The following ZNF43 variants were observed in gnomAD, a reference collection of about 807,000 sequenced individuals.
The protein encoded by ZNF43 is zinc finger protein 39-like 1 (KOX 27).
Under a neutral mutation model 68.4 loss-of-function variants are expected in ZNF43, and 44 were observed. That is an observed-to-expected ratio of 0.64 (90% CI 0.51 to 0.83). The LOEUF (loss-of-function observed/expected upper bound fraction) is 0.83, where lower values mean the gene tolerates loss of function less well. Ranked by LOEUF, ZNF43 falls within the 40% of genes least tolerant of loss-of-function variation. The pLI is 0.00. For missense variants in ZNF43, 896 were observed against 933.2 expected (o/e 0.96, Z 0.52); for synonymous variants, 308 against 307.8 (o/e 1.00, Z -0.01).
intron 1 of ZNF43, among the ~76,000 whole-genome samples, chr19:21,850,628 T>C (rs76943102): frequency 0.09 from 13,660 of 152,174 alleles, 687 homozygotes; most frequent in Middle Eastern, 0.16. Flanking sequence ...TTAGACCTAG[T>C]AACATGTCCT....
At chr19:21,817,533 A>G (rs1232650971) in intron 3 of ZNF43, among the ~76,000 whole-genome samples, 8 of 152,216 alleles carry the variant, frequency 5.3e-5, no homozygotes, top group Admixed American at 5.2e-4. Context: ...GTAAAGAAAG[A>G]ACTTAAAAAA....
At chr19:21,837,839 A>G (rs749064850), upstream of ZNF43, 1 of 152,104 alleles carries the variant, frequency 6.6e-6, no homozygotes, top group Non-Finnish European at 1.5e-5. Flanking sequence ...TATGTATAAG[A>G]TCTTCCTTCC....
intron 1 of ZNF43, among the ~76,000 whole-genome samples, chr19:21,823,261 T>A (rs562365601): frequency 2.0e-5 from 3 of 152,302 alleles, no homozygotes. Context: ...ATCTATTTTT[T>A]TAATGGCCAT....
At chr19:21,819,757 T>C (rs1284577788) in intron 1 of ZNF43, among the ~76,000 whole-genome samples, 2 of 152,162 alleles carry the variant, frequency 1.3e-5, no homozygotes, top group African/African-American at 4.8e-5. Flanking sequence ...AATGGAAAAG[T>C]CTGTGTTTTT....
intron 3 of ZNF43, among the ~76,000 whole-genome samples, chr19:21,812,356 C>T (rs970046454): frequency 5.9e-5 from 9 of 152,204 alleles, no homozygotes; most frequent in East Asian, 3.9e-4. Flanking sequence ...CCTCGTGATC[C>T]GCCCGCCTCA....
At chr19:21,818,349 C>T (rs537280088) in intron 2 of ZNF43, among the ~76,000 whole-genome samples, 53 of 150,610 alleles carry the variant, frequency 3.5e-4, no homozygotes, top group African/African-American at 1.2e-3. Flanking sequence ...GATCCGCCTG[C>T]CTTGGCATCC....
Position 21,809,553 on chromosome 19 carries a change from T to C in ZNF43, c.484A>G (p.Asn162Asp), listed in dbSNP as rs746420195. ...VKAFHKFSNS[N>D]RHKISHTEKK... Reference sequence around the variant, plus strand: ...TCAGTATGGCTTATCTTATGTCTGTTTGAATTTGAAAATTTATGAAAGGCT... The same window carrying C: ...TCAGTATGGCTTATCTTATGTCTGTCTGAATTTGAAAATTTATGAAAGGCT... Residue 162 changes from asparagine to aspartate, a missense_variant, in exon 4 of 4, where the codon AAC becomes GAC. By Grantham distance (23) the Asn-to-Asp change is conservative. Coordinates refer to ENST00000354959, the MANE Select transcript of ZNF43 (RefSeq NM_003423.4). The C allele has an allele frequency of 1.2e-6, 2 of 1,611,680 alleles. No homozygotes were observed. Among genetic ancestry groups the C allele is most frequent in the South Asian group, 1.1e-5 (1 of 90,724 alleles).
rs747556589 is a variant in ZNF43 at position 21,807,561 on chromosome 19, C to G, written c.*46G>C. 1.4e-5 allele frequency: 21 copies of G among 1,455,610 alleles called. No homozygotes were observed. Among genetic ancestry groups the G allele is most frequent in the Non-Finnish European group, 1.8e-5 (20 of 1,088,908 alleles). 90.2% of individuals were successfully genotyped at this position (1,455,610 alleles called of 1,614,324 possible). ...AATCAAGTGTGACAACCATGTAAAG[C>G]CTTTATCACATTCTTTACATTTCTA... is the stretch of plus-strand genomic sequence containing the variant. On this transcript the variant is annotated 3_prime_UTR_variant, in exon 4 of 4. Transcript: ENST00000354959.
intron 3 of ZNF43, among the ~76,000 whole-genome samples, chr19:21,813,237 C>CT (rs1183251398): frequency 6.7e-6 from 1 of 149,324 alleles, no homozygotes; most frequent in East Asian, 2.0e-4. Flanking sequence ...GAGTGAAACT[C>CT]TGTCTCCAAA....
chr19:21,824,895 T>A (rs1274926188), intron 1 of ZNF43, among the ~76,000 whole-genome samples: 3 of 152,006 alleles, frequency 2.0e-5, no homozygotes, highest in Admixed American at 2.0e-4. Context: ...AGTAGATTTG[T>A]AAAGGCAAAA....
At chr19:21,836,477 T>A (rs149788538), upstream of ZNF43, among the ~76,000 whole-genome samples, 40 of 152,372 alleles carry the variant, frequency 2.6e-4, no homozygotes, top group East Asian at 6.0e-3. Flanking sequence ...ATATGGATAC[T>A]AAAAAATGAA....
At chr19:21,844,481 CA>C (rs113112814) in intron 1 of ZNF43, among the ~76,000 whole-genome samples, 7,520 of 148,354 alleles carry the variant, frequency 0.051, 398 homozygotes, top group African/African-American at 0.14. Flanking sequence ...ATGACCTTTG[CA>C]AAAAAAAAGG....
chr19:21,830,951 C>T (rs1459407431), intron 1 of ZNF43, among the ~76,000 whole-genome samples: 1 of 152,122 alleles, frequency 6.6e-6, no homozygotes, highest in African/African-American at 2.4e-5. Context: ...TTTCAACATA[C>T]ACAAATCAAT....
chr19:21,814,227 T>C (rs542502173), intron 3 of ZNF43, among the ~76,000 whole-genome samples: 1 of 152,216 alleles, frequency 6.6e-6, no homozygotes, highest in African/African-American at 2.4e-5. Flanking sequence ...ACATTCATCA[T>C]TAAACACATG....
In ZNF43 at chr19:21,836,156, C is replaced by T; in HGVS notation, c.-118G>A. The stretch of plus-strand genomic sequence containing the variant: ...AGGACACAGAAGAACGAAGACGAGA[C>T]GCAGAGCTCCAACTGCAGCCAGAGA... On this transcript the variant is annotated 5_prime_UTR_variant, in exon 1 of 4. Transcript: ENST00000354959. 2 of 1,573,758 alleles carry T rather than the reference C, an allele frequency of 1.3e-6. No individual in the cohort carries two copies. Among genetic ancestry groups the T allele is most frequent in the Non-Finnish European group, 1.7e-6 (2 of 1,158,462 alleles).
chr19:21,812,254 G>A (rs2037313020), intron 3 of ZNF43, among the ~76,000 whole-genome samples: 1 of 152,098 alleles, frequency 6.6e-6, no homozygotes, highest in Admixed American at 6.5e-5. Context: ...GGCCTCCCGA[G>A]TAGCTGGGAT....
In ZNF43 at chr19:21,835,944, C is replaced by T. The variant is rs1043480098; in HGVS notation, c.3+92G>A. On this transcript the variant is annotated intron_variant, in intron 1 of 3. Transcript: ENST00000354959. ...TTGAGGCCGAGCTGGGCAAGAACTC[C>T]GGCACGCGCAGATTGTGGAGCTGAC... is the stretch of plus-strand genomic sequence containing the variant. 2.4e-5 allele frequency: 39 copies of T among 1,601,104 alleles called. No homozygotes were observed. In the African/African-American group the frequency reaches 4.3e-4, roughly 18 times the overall value.
rs936385740 is a variant in ZNF43 at position 21,844,746 on chromosome 19, A to G, written c.30+7159T>C. 4.0e-5 allele frequency among the ~76,000 whole-genome samples: 6 copies of G among 150,696 alleles called. No homozygotes were observed. The East Asian group carries it at 7.9e-4, about 20-fold the overall frequency. Reference sequence around the variant, plus strand: ...CCCCGTCTCTACTAAAAATACAAAAAACTAGCCAGGCATGGTGGCAGACAC... The same window carrying G: ...CCCCGTCTCTACTAAAAATACAAAAGACTAGCCAGGCATGGTGGCAGACAC... On this transcript the variant is annotated intron_variant, in intron 1 of 3. Coordinates refer to the ZNF43 transcript ENST00000357491.
At chr19:21,849,991 A>T (rs193101940) in intron 1 of ZNF43, 1 of 152,318 alleles carries the variant, frequency 6.6e-6, no homozygotes, top group East Asian at 1.9e-4. Flanking sequence ...GAGGGCAGAG[A>T]CCAGACAGGA....
Sources: allele counts gnomAD v4.1 joint callset (sites outside exome capture counted in the v4.1 genomes callset), GRCh38; gene constraint gnomAD v4.1.1; transcripts MANE v1.5; gene names NCBI Gene and HGNC (gene_info 2026-07-23, HGNC 2026-07-21).